Variants in TMEM163 observed in about 807,000 individuals in gnomAD.
The protein encoded by TMEM163 is transmembrane protein 163.
Under a neutral mutation model 29.3 loss-of-function variants are expected in TMEM163, and 17 were observed. The ratio of observed to expected loss-of-function variants is 0.58; its 90% CI spans 0.40 to 0.87. The LOEUF (loss-of-function observed/expected upper bound fraction) is 0.87, where lower values mean the gene tolerates loss of function less well. Among genes scored for constraint, TMEM163 ranks in the 40% least tolerant of loss-of-function variants. The probability of loss-of-function intolerance (pLI) is 0.00; values close to 1 mark genes in which losing one functional copy is unlikely to be tolerated. For synonymous variants in TMEM163, 157 were observed against 160.6 expected (o/e 0.98, Z 0.17); for missense variants, 303 against 381.5 (o/e 0.79, Z 1.71).
chr2:134,490,287 C>A (rs928188579), intron 5 of TMEM163, among the ~76,000 whole-genome samples: 1 of 152,168 alleles, frequency 6.6e-6, no homozygotes, highest in Admixed American at 6.5e-5. Flanking sequence ...CTCTCACCAG[C>A]GGTAGTGGGG....
chr2:134,594,542 C>T (rs966180046), intron 2 of TMEM163, among the ~76,000 whole-genome samples: 4 of 152,102 alleles, frequency 2.6e-5, no homozygotes, highest in Non-Finnish European at 5.9e-5. Flanking sequence ...ACACACACAG[C>T]GGGATAAAAA....
At chr2:134,658,102 G>A (rs1377999907) in intron 2 of TMEM163, among the ~76,000 whole-genome samples, 4 of 152,188 alleles carry the variant, frequency 2.6e-5, no homozygotes, top group Non-Finnish European at 4.4e-5. Context: ...TACTTTTATT[G>A]ATTGTCAGGC....
At chr2:134,563,078 T>C (rs1026573857) in intron 2 of TMEM163, among the ~76,000 whole-genome samples, 2 of 152,174 alleles carry the variant, frequency 1.3e-5, no homozygotes, top group African/African-American at 2.4e-5. Flanking sequence ...CATCCACCCC[T>C]GGACCCTTTC....
chr2:134,700,374 G>GT lies in TMEM163; in HGVS notation c.322+12825dup, dbSNP rs1312817992. 5.9e-5 allele frequency among the ~76,000 whole-genome samples: 9 copies of GT among 152,188 alleles called. No homozygotes were observed. The East Asian group carries it at 1.5e-3, about 26-fold the overall frequency. ...TATTGGAGCTTATCCTATCCTCCATGTTTTTTAGTAAACGTGAACTTGAGA... is the reference window on the plus strand; with the variant it reads ...TATTGGAGCTTATCCTATCCTCCATGTTTTTTTAGTAAACGTGAACTTGAGA... On this transcript the variant is annotated intron_variant, in intron 2 of 7. Transcript: ENST00000281924.
Position 134,455,974 on chromosome 2 carries a change from A to C in TMEM163, c.*742T>G, listed in dbSNP as rs2106469703. On this transcript the variant is annotated 3_prime_UTR_variant, in exon 8 of 8. Transcript: ENST00000281924. ...TTACCACTTAACACAGCATATAGAT[A>C]TATGCATATACGGATAGATTATATT... The C allele has an allele frequency of 6.5e-6, 1 of 152,754 alleles. No individual in the cohort carries two copies. Among genetic ancestry groups the C allele is most frequent in the South Asian group, 2.1e-4 (1 of 4,828 alleles). 9.5% of individuals were successfully genotyped at this position (152,754 alleles called of 1,614,324 possible).
chr2:134,489,173 A>G (rs1679375321), intron 5 of TMEM163, among the ~76,000 whole-genome samples: 1 of 152,194 alleles, frequency 6.6e-6, no homozygotes, highest in South Asian at 2.1e-4. Context: ...AAAACTGGAA[A>G]CTACCCAAAT....
At chr2:134,624,546 C>T (rs1682807730) in intron 2 of TMEM163, among the ~76,000 whole-genome samples, 1 of 152,052 alleles carries the variant, frequency 6.6e-6, no homozygotes, top group African/African-American at 2.4e-5. Context: ...TACAACAAAC[C>T]CCCATGACAT....
chr2:134,590,440 T>C (rs1681912828), intron 2 of TMEM163, among the ~76,000 whole-genome samples: 1 of 152,160 alleles, frequency 6.6e-6, no homozygotes, highest in Non-Finnish European at 1.5e-5. Flanking sequence ...CCCCATCACT[T>C]ACTCAAAGTT....
At chr2:134,679,539 G>A (rs761367725) in intron 2 of TMEM163, among the ~76,000 whole-genome samples, 1 of 152,168 alleles carries the variant, frequency 6.6e-6, no homozygotes, top group African/African-American at 2.4e-5. Flanking sequence ...AGAAGTGAGC[G>A]ACGCAGTGCT....
At chr2:134,479,904 A>G (rs1288671212) in intron 5 of TMEM163, among the ~76,000 whole-genome samples, 1 of 152,242 alleles carries the variant, frequency 6.6e-6, no homozygotes, top group East Asian at 1.9e-4. Context: ...TTCAAAGGCA[A>G]TTAGGGGAGA....
intron 4 of TMEM163, among the ~76,000 whole-genome samples, chr2:134,546,902 TGAG>T (rs1285802363): frequency 5.3e-5 from 8 of 152,132 alleles, no homozygotes; most frequent in Admixed American, 4.6e-4. Flanking sequence ...GGAGGATCCT[TGAG>T]GACATTATGC....
At chr2:134,563,774 G>T (rs953430820) in intron 2 of TMEM163, among the ~76,000 whole-genome samples, 1 of 152,196 alleles carries the variant, frequency 6.6e-6, no homozygotes, top group Admixed American at 6.5e-5. Flanking sequence ...GCCAAGACAG[G>T]CCAGGCACGG....
intron 2 of TMEM163, among the ~76,000 whole-genome samples, chr2:134,703,668 G>C (rs183373201): frequency 1.3e-5 from 2 of 151,854 alleles, no homozygotes; most frequent in East Asian, 3.9e-4. Context: ...GCCTAAACTT[G>C]AAAAACAAAT....
At chr2:134,516,721 T>G (rs376573025) in intron 4 of TMEM163, among the ~76,000 whole-genome samples, 117 of 106,788 alleles carry the variant, frequency 1.1e-3, no homozygotes, top group South Asian at 2.3e-3. Context: ...ACATATATAT[T>G]CATATATATG....
intron 2 of TMEM163, among the ~76,000 whole-genome samples, chr2:134,552,414 T>G (rs1680951577): frequency 6.6e-6 from 1 of 152,086 alleles, no homozygotes; most frequent in South Asian, 2.1e-4. Flanking sequence ...ATATCAAACT[T>G]TCAAAGTAAA....
At chr2:134,554,434 A>C (rs1170928277) in intron 2 of TMEM163, among the ~76,000 whole-genome samples, 1 of 148,834 alleles carries the variant, frequency 6.7e-6, no homozygotes, top group Non-Finnish European at 1.5e-5. Context: ...AAAAAAAAAA[A>C]AAAAAAAAAA....
chr2:134,711,107 C>T (rs751557472), intron 2 of TMEM163, among the ~76,000 whole-genome samples: 3 of 152,174 alleles, frequency 2.0e-5, no homozygotes, highest in Non-Finnish European at 4.4e-5. Flanking sequence ...CTTCGAAAGT[C>T]AGTTTATATT....
intron 2 of TMEM163, among the ~76,000 whole-genome samples, chr2:134,601,223 C>T (rs1368565080): frequency 6.6e-6 from 1 of 152,130 alleles, no homozygotes; most frequent in African/African-American, 2.4e-5. Context: ...GAAATTAAAA[C>T]ATTTTCCTGA....
intron 2 of TMEM163, among the ~76,000 whole-genome samples, chr2:134,597,203 G>A (rs1232607335): frequency 6.6e-6 from 1 of 152,126 alleles, no homozygotes; most frequent in Non-Finnish European, 1.5e-5. Flanking sequence ...GTTTTCAAAG[G>A]GAATGCTTCC....
Sources: allele counts gnomAD v4.1 joint callset (sites outside exome capture counted in the v4.1 genomes callset), GRCh38; gene constraint gnomAD v4.1.1; transcripts MANE v1.5; gene names NCBI Gene and HGNC (gene_info 2026-07-23, HGNC 2026-07-21).